The following CNTNAP2 variants were observed in gnomAD, a reference collection of about 807,000 sequenced individuals.
CNTNAP2 encodes contactin-associated protein-like 2.
In CNTNAP2, 98 loss-of-function variants were observed where a neutral mutation model predicts 155.2. The observed-to-expected ratio is 0.63, with a 90% confidence interval of 0.54 to 0.75. The LOEUF is 0.75. Ranked by LOEUF, CNTNAP2 falls within the 30% of genes least tolerant of loss-of-function variation. The probability of loss-of-function intolerance (pLI) is 0.00; values close to 1 mark genes in which losing one functional copy is unlikely to be tolerated. For missense variants in CNTNAP2, 1,727 were observed against 1,688.1 expected (o/e 1.02, Z -0.40); for synonymous variants, 651 against 631.2 (o/e 1.03, Z -0.47).
chr7:148,330,113 G>A (rs9720022), intron 21 of CNTNAP2, among the ~76,000 whole-genome samples: 3 of 147,794 alleles, frequency 2.0e-5, no homozygotes, highest in South Asian at 2.1e-4. Context: ...GATAGATGGA[G>A]TGGATGGATG....
chr7:147,737,752 C>T (rs1022500772), intron 13 of CNTNAP2, among the ~76,000 whole-genome samples: 2 of 152,170 alleles, frequency 1.3e-5, no homozygotes, highest in African/African-American at 2.4e-5. Context: ...TGCTGCCTTG[C>T]GGTTTGATCT....
In CNTNAP2 at chr7:146,282,159, C is replaced by T. The variant is rs540794023; in HGVS notation, c.97+165186C>T. 2.0e-3 allele frequency among the ~76,000 whole-genome samples: 309 copies of T among 152,314 alleles called. 3 individuals carry two copies. Among genetic ancestry groups the T allele is most frequent in the African/African-American group, 7.0e-3 (290 of 41,568 alleles). On this transcript the variant is annotated intron_variant, in intron 1 of 23. Coordinates refer to ENST00000361727, the MANE Select transcript of CNTNAP2 (RefSeq NM_014141.6). Reference sequence around the variant, plus strand: ...ATTTGATAGCTGGTAGACATGTGAACACACGCCAATTGTGTATAGACTCAT... The same window carrying T: ...ATTTGATAGCTGGTAGACATGTGAATACACGCCAATTGTGTATAGACTCAT...
At chr7:146,753,772 T>G (rs55981428) in intron 1 of CNTNAP2, among the ~76,000 whole-genome samples, 8,941 of 152,110 alleles carry the variant, frequency 0.059, 344 homozygotes, top group Non-Finnish European at 0.078. Context: ...TCTCTTGTAT[T>G]TTTCTCAGCT....
At chr7:146,551,328 C>T (rs1263886834) in intron 1 of CNTNAP2, among the ~76,000 whole-genome samples, 2 of 152,006 alleles carry the variant, frequency 1.3e-5, no homozygotes, top group African/African-American at 4.8e-5. Flanking sequence ...GTGATGTTCC[C>T]CTTCCTGTGT....
intron 1 of CNTNAP2, among the ~76,000 whole-genome samples, chr7:146,530,096 A>G (rs1272535984): frequency 6.6e-6 from 1 of 152,200 alleles, no homozygotes; most frequent in African/African-American, 2.4e-5. Context: ...AGTGACAGAT[A>G]AAGAAAGTTG....
Position 147,476,724 on chromosome 7 carries a change from C to T in CNTNAP2, c.1671-9211C>T, listed in dbSNP as rs372320787. ...GGTGGATCACTTGAAGTCAGGAGTT[C>T]GAGACCAGCCTGGCCAACATGGCAA... On this transcript the variant is annotated intron_variant, in intron 10 of 23. Coordinates refer to ENST00000361727, the MANE Select transcript of CNTNAP2 (RefSeq NM_014141.6). Among the ~76,000 whole-genome samples the T allele has an allele frequency of 3.3e-5, 5 of 152,032 alleles. No individual in the cohort carries two copies. The South Asian group carries it at 6.2e-4, about 19-fold the overall frequency.
intron 13 of CNTNAP2, among the ~76,000 whole-genome samples, chr7:147,895,144 T>A: frequency 6.6e-6 from 1 of 151,206 alleles, no homozygotes; most frequent in Non-Finnish European, 1.5e-5. Context: ...TGGCTAATTT[T>A]TGTATTTTTA....
At chr7:146,813,866 G>A (rs529841109) in intron 2 of CNTNAP2, among the ~76,000 whole-genome samples, 67 of 152,210 alleles carry the variant, frequency 4.4e-4, no homozygotes, top group African/African-American at 1.6e-3. Flanking sequence ...GCACACTGCT[G>A]TTCTTATGGT....
At chr7:148,404,997 G>T (rs6949078) in intron 22 of CNTNAP2, among the ~76,000 whole-genome samples, 2 of 151,896 alleles carry the variant, frequency 1.3e-5, no homozygotes, top group Non-Finnish European at 2.9e-5. Flanking sequence ...TTACAGGACT[G>T]GGGGGCATGG....
chr7:146,417,831 A>C (rs187017273), intron 1 of CNTNAP2, among the ~76,000 whole-genome samples: 31 of 152,282 alleles, frequency 2.0e-4, no homozygotes, highest in Non-Finnish European at 3.8e-4. Context: ...TCATCACATA[A>C]ATCATAAACA....
At chr7:146,775,576 AAGGG>A (rs1395417165) in intron 2 of CNTNAP2, among the ~76,000 whole-genome samples, 1 of 150,968 alleles carries the variant, frequency 6.6e-6, no homozygotes, top group African/African-American at 2.4e-5. Context: ...GGGAAGGAGA[AAGGG>A]AGGGAGGGAG....
chr7:147,674,216 G>T (rs1283541025), intron 13 of CNTNAP2, among the ~76,000 whole-genome samples: 2 of 152,164 alleles, frequency 1.3e-5, no homozygotes, highest in Non-Finnish European at 2.9e-5. Flanking sequence ...AAAGATTTTG[G>T]TGGAAAGATG....
intron 9 of CNTNAP2, among the ~76,000 whole-genome samples, chr7:147,361,140 TG>T (rs1397026348): frequency 6.6e-6 from 1 of 152,176 alleles, no homozygotes; most frequent in Non-Finnish European, 1.5e-5. Flanking sequence ...CTAAATAATC[TG>T]GAAGTCCAAG....
At chr7:146,940,172 C>T (rs895966227) in intron 3 of CNTNAP2, among the ~76,000 whole-genome samples, 7 of 151,750 alleles carry the variant, frequency 4.6e-5, no homozygotes, top group Admixed American at 3.3e-4. Context: ...TCTCATGCGT[C>T]ATATTTTGGT....
At position 147,134,681 on chromosome 7, in the gene CNTNAP2, CT is replaced by C. The variant is rs1222156822; in HGVS notation, c.1348+2176del. Among the ~76,000 whole-genome samples the C allele has an allele frequency of 7.2e-5, 11 of 151,976 alleles. 1 individual carries two copies. The East Asian group carries it at 1.9e-3, about 27-fold the overall frequency. ...AACCATAGGACATAATTTCCTCTGT[CT>C]TTTAATGTATTTTATCAAATTCAAT... On this transcript the variant is annotated intron_variant, in intron 8 of 23. Coordinates refer to ENST00000361727, the MANE Select transcript of CNTNAP2 (RefSeq NM_014141.6).
chr7:147,488,063 C>A (rs1360401274), intron 11 of CNTNAP2, among the ~76,000 whole-genome samples: 3 of 151,862 alleles, frequency 2.0e-5, no homozygotes, highest in Admixed American at 2.0e-4. Flanking sequence ...CTTTTTCTTT[C>A]GAAAAATATA....
At chr7:146,781,981 C>T (rs1802499601) in intron 2 of CNTNAP2, among the ~76,000 whole-genome samples, 1 of 152,174 alleles carries the variant, frequency 6.6e-6, no homozygotes, top group African/African-American at 2.4e-5. Context: ...ACATGGCCCA[C>T]TCATGACCGC....
intron 13 of CNTNAP2, among the ~76,000 whole-genome samples, chr7:147,803,153 A>G (rs1402558579): frequency 6.6e-6 from 1 of 152,202 alleles, no homozygotes; most frequent in African/African-American, 2.4e-5. Context: ...AAATGTTTTT[A>G]CTGAGAATTT....
intron 12 of CNTNAP2, among the ~76,000 whole-genome samples, chr7:147,592,676 A>C (rs1291908600): frequency 3.3e-5 from 5 of 152,212 alleles, no homozygotes; most frequent in Non-Finnish European, 7.3e-5. Flanking sequence ...TGATATCTGC[A>C]ACAAATTACA....
Sources: gnomAD v4.1 joint callset for allele counts (sites outside exome capture counted in the v4.1 genomes callset) on GRCh38, gnomAD v4.1.1 for gene constraint, MANE v1.5 for transcripts, NCBI Gene and HGNC (gene_info 2026-07-23, HGNC 2026-07-21) for gene names.